Variants in DNM1L observed in about 807,000 individuals in gnomAD.
DNM1L encodes dynamin-1-like protein.
In DNM1L, 33 loss-of-function variants were observed where a neutral mutation model predicts 92.8. The ratio of observed to expected loss-of-function variants is 0.36; its 90% CI spans 0.27 to 0.48. The LOEUF is 0.48. Ranked by LOEUF, DNM1L falls within the 20% of genes least tolerant of loss-of-function variation. DNM1L has a pLI of 0.99. For synonymous variants in DNM1L, 284 were observed against 305.0 expected (o/e 0.93, Z 0.72); for missense variants, 485 against 888.8 (o/e 0.55, Z 5.78).
intron 9 of DNM1L, 50 bp from the exon 10 acceptor site, chr12:32,730,964 T>A (rs1457513061): frequency 5.0e-6 from 8 of 1,611,526 alleles, no homozygotes; most frequent in Non-Finnish European, 5.9e-6. Flanking sequence ...AACTTGTATC[T>A]TCTTTCCCTT....
chr12:32,744,614 G>T lies in DNM1L; in HGVS notation c.*1204G>T. The stretch of plus-strand genomic sequence containing the variant: ...TGTAATCCCAGCTACTCGGGAGGGT[G>T]AGGCAGGAGAATTGCTTGACCCTGG... On this transcript the variant is annotated 3_prime_UTR_variant, in exon 20 of 20. Transcript: ENST00000549701. 1 of 257,710 alleles carries T rather than the reference G, an allele frequency of 3.9e-6. No individual in the cohort carries two copies. The allele number at this position is 257,710 out of a possible 1,614,324, so 16.0% of individuals were successfully genotyped here. A position where few individuals can be genotyped will look rare whatever the true frequency, so the allele number is the denominator to read the frequency against.
chr12:32,706,054 A>T (rs1952913869), intron 2 of DNM1L: 4 of 473,662 alleles, frequency 8.4e-6, no homozygotes, highest in Non-Finnish European at 1.5e-5. Context: ...TTGGTGGTGA[A>T]TGTAATTTAT....
chr12:32,689,942 G>C (rs7310437), intron 1 of DNM1L, among the ~76,000 whole-genome samples: 57,589 of 152,134 alleles, frequency 0.38, 13,283 homozygotes, highest in African/African-American at 0.65. Flanking sequence ...TCTTTAGCTC[G>C]TAAATATAAT....
intron 2 of DNM1L, chr12:32,706,615 G>A (rs1218022403): frequency 9.0e-6 from 4 of 442,904 alleles, no homozygotes; most frequent in Non-Finnish European, 1.8e-5. Context: ...AATGGAGAGT[G>A]GCAACTCCTT....
intron 6 of DNM1L, among the ~76,000 whole-genome samples, chr12:32,715,131 T>C (rs1397241666): frequency 6.6e-5 from 10 of 151,608 alleles, no homozygotes; most frequent in Admixed American, 6.6e-4. Context: ...CTCACTCTGT[T>C]GCCCAGGCCT....
At chr12:32,739,623 CGTAAGTTCATG>C (rs1487794554) in intron 16 of DNM1L, among the ~76,000 whole-genome samples, 1 of 152,140 alleles carries the variant, frequency 6.6e-6, no homozygotes, top group Non-Finnish European at 1.5e-5. Context: ...AGTTCAGAGA[CGTAAGTTCATG>C]GAACTTTTAG....
chr12:32,706,874 CAT>C (rs1952947784), intron 2 of DNM1L: 1 of 334,744 alleles, frequency 3.0e-6, no homozygotes, highest in Admixed American at 4.2e-5. Flanking sequence ...TTCATTGACA[CAT>C]TGTAAAATTT....
chr12:32,720,603 A>T, intron 7 of DNM1L, 61 bp from the exon 8 acceptor site: 1 of 1,609,402 alleles, frequency 6.2e-7, no homozygotes, highest in South Asian at 1.1e-5. Flanking sequence ...TGCTGTCATC[A>T]TCTAAGGTAG....
intron 8 of DNM1L, among the ~76,000 whole-genome samples, chr12:32,721,891 C>A (rs1953829359): frequency 6.6e-6 from 1 of 152,102 alleles, no homozygotes; most frequent in Non-Finnish European, 1.5e-5. Context: ...TTAGCATATA[C>A]CCACTTACTG....
At chr12:32,709,675 A>C (rs1007839656) in intron 4 of DNM1L, 1 of 152,232 alleles carries the variant, frequency 6.6e-6, no homozygotes, top group African/African-American at 2.4e-5. Context: ...AAATGACTGC[A>C]TATGCCTAAC....
intron 19 of DNM1L, among the ~76,000 whole-genome samples, chr12:32,743,121 TCCTGACCTCATGATCCGCCCG>T (rs1019096189): frequency 1.3e-5 from 2 of 151,734 alleles, no homozygotes; most frequent in Non-Finnish European, 2.9e-5. Flanking sequence ...AGTCTCTAAC[TCCTGACCTCATGATCCGCCCG>T]CCTCGACCTC....
chr12:32,722,678 G>C, intron 9 of DNM1L, 45 bp downstream of exon 9: 1 of 1,480,782 alleles, frequency 6.8e-7, no homozygotes, highest in South Asian at 1.1e-5. Flanking sequence ...TAGATTGCTA[G>C]GTCACTTTTC....
intron 13 of DNM1L, 50 bp from the exon 14 acceptor site, chr12:32,737,055 A>T: frequency 6.2e-7 from 1 of 1,600,300 alleles, no homozygotes; most frequent in Non-Finnish European, 8.6e-7. Flanking sequence ...TTTAGTAGGC[A>T]TATATCTCAA....
At chr12:32,726,658 TAAAG>T (rs759064995) in intron 9 of DNM1L, 26 of 734,856 alleles carry the variant, frequency 3.5e-5, no homozygotes, top group South Asian at 1.4e-4. Context: ...GCAAGAAAAT[TAAAG>T]AAAGAGTCAT....
chr12:32,720,941 A>C (rs1953774068), intron 8 of DNM1L, 146 bp downstream of exon 8: 7 of 989,242 alleles, frequency 7.1e-6, no homozygotes, highest in Non-Finnish European at 1.1e-5. Flanking sequence ...TGAAGAGTAG[A>C]TGTCTCTGTT....
chr12:32,709,449 A>G (rs1329876378), intron 4 of DNM1L: 1 of 152,150 alleles, frequency 6.6e-6, no homozygotes, highest in African/African-American at 2.4e-5. Context: ...TAGTTACACT[A>G]AACTGAATGT....
chr12:32,707,749 A>G (rs552940547), intron 3 of DNM1L, among the ~76,000 whole-genome samples: 1 of 152,226 alleles, frequency 6.6e-6, no homozygotes, highest in African/African-American at 2.4e-5. Flanking sequence ...CAGGAGTTCG[A>G]GTCCAGCCTA....
chr12:32,721,721 G>A (rs1308022464), intron 8 of DNM1L, among the ~76,000 whole-genome samples: 1 of 152,062 alleles, frequency 6.6e-6, no homozygotes, highest in Non-Finnish European at 1.5e-5. Flanking sequence ...CAGGTTGAGG[G>A]TTCAGTCCCA....
chr12:32,742,067 A>G (rs961004091), intron 18 of DNM1L, among the ~76,000 whole-genome samples: 3 of 152,152 alleles, frequency 2.0e-5, no homozygotes, highest in African/African-American at 7.2e-5. Context: ...GTTTTGAAAT[A>G]AAGATGATGA....
Sources: allele counts gnomAD v4.1 joint callset (sites outside exome capture counted in the v4.1 genomes callset), GRCh38; gene constraint gnomAD v4.1.1; transcripts MANE v1.5; gene names NCBI Gene and HGNC (gene_info 2026-07-23, HGNC 2026-07-21).